The following TBX4 variants were observed in gnomAD, a reference collection of about 807,000 sequenced individuals.
TBX4 encodes T-box transcription factor TBX4.
TBX4 carries 13 observed loss-of-function variants against 54.6 expected under a neutral mutation model. The ratio of observed to expected loss-of-function variants is 0.24; its 90% CI spans 0.15 to 0.38. TBX4 has a LOEUF of 0.38. Among genes scored for constraint, TBX4 ranks in the 10% least tolerant of loss-of-function variants. TBX4 has a pLI of 1.00. For missense variants in TBX4, 631 were observed against 728.5 expected (o/e 0.87, Z 1.54); for synonymous variants, 314 against 306.7 (o/e 1.02, Z -0.25).
At chr17:61,453,061 A>T in intron 1 of TBX4, 6 of 846,760 alleles carry the variant, frequency 7.1e-6, no homozygotes, top group African/African-American at 1.8e-5. Context: ...GGAACATTAT[A>T]TATAAATAAT....
chr17:61,460,324 G>C lies in TBX4; in HGVS notation c.281+2693G>C, dbSNP rs561919336. On this transcript the variant is annotated intron_variant, in intron 3 of 8. Transcript: ENST00000644296. The surrounding 1 kb of genome is among the most constrained non-coding windows in gnomAD (Gnocchi z 4.4). Reference sequence around the variant, plus strand: ...TCTGGCTGGGTAGGAGCAGGCCCTGGAAAAGGGGAGCCAGAATGTTCTCAA... The same window carrying C: ...TCTGGCTGGGTAGGAGCAGGCCCTGCAAAAGGGGAGCCAGAATGTTCTCAA... 6.6e-6 allele frequency: 1 copy of C among 152,360 alleles called. No homozygotes were observed. The highest frequency in any genetic ancestry group is 1.9e-4 in the East Asian group (1 of 5,192). 9.4% of individuals were successfully genotyped at this position (152,360 alleles called of 1,614,324 possible).
chr17:61,458,013 A>C (rs1399505242), intron 3 of TBX4, among the ~76,000 whole-genome samples: 1 of 152,218 alleles, frequency 6.6e-6, no homozygotes, highest in Non-Finnish European at 1.5e-5. Flanking sequence ...GATGCCTCTC[A>C]GCAGATGGGG....
In TBX4 at chr17:61,476,602, C is replaced by G. The variant is rs149176014; in HGVS notation, c.550-2025C>G. On this transcript the variant is annotated intron_variant, in intron 5 of 8. Coordinates refer to ENST00000644296, the MANE Select transcript of TBX4 (RefSeq NM_001321120.2). The surrounding 1 kb of genome is among the most constrained non-coding windows in gnomAD (Gnocchi z 6.5). ...GAAAGGGACAGACATCGAGGCCTCT[C>G]TGAGCGGGACCTGTGTCCTGTAGCC... 6.6e-6 allele frequency among the ~76,000 whole-genome samples: 1 copy of G among 152,248 alleles called. No homozygotes were observed. The highest frequency in any genetic ancestry group is 2.4e-5 in the African/African-American group (1 of 41,462).
chr17:61,458,396 A>C (rs575644848), intron 3 of TBX4, among the ~76,000 whole-genome samples: 8 of 152,092 alleles, frequency 5.3e-5, no homozygotes, highest in African/African-American at 1.9e-4. Context: ...CTGTAGACAG[A>C]GACGCTGGCA....
At chr17:61,455,118 A>G (rs2060437200) in intron 1 of TBX4, among the ~76,000 whole-genome samples, 3 of 152,142 alleles carry the variant, frequency 2.0e-5, no homozygotes, top group Admixed American at 6.5e-5. Context: ...TCCGCCTGTC[A>G]ACCTTATCTT....
chr17:61,477,154 C>T (rs2060626195), intron 5 of TBX4, among the ~76,000 whole-genome samples: 1 of 152,228 alleles, frequency 6.6e-6, no homozygotes, highest in East Asian at 1.9e-4. Context: ...GACCCGAGGG[C>T]CCGCCTGGCC....
In TBX4 at chr17:61,461,726, C is replaced by G. The variant is rs1480561102; in HGVS notation, c.282-4093C>G. Among the ~76,000 whole-genome samples, 1 of 152,150 alleles carries G rather than the reference C, an allele frequency of 6.6e-6. No homozygotes were observed. Among genetic ancestry groups the G allele is most frequent in the Non-Finnish European group, 1.5e-5 (1 of 68,026 alleles). On this transcript the variant is annotated intron_variant, in intron 3 of 8. Transcript: ENST00000644296. The surrounding 1 kb of genome is among the most constrained non-coding windows in gnomAD (Gnocchi z 5.1). ...AGAAATAGATCATCACCACCACCGC[C>G]CCAGAATCCTTCTTGTGTGCCTGCC...
Position 61,482,958 on chromosome 17 carries a change from G to T in TBX4, c.1083G>T (p.Ser361=). The T allele has an allele frequency of 6.2e-7, 1 of 1,613,858 alleles. No homozygotes were observed. Among genetic ancestry groups the T allele is most frequent in the Non-Finnish European group, 8.5e-7 (1 of 1,179,938 alleles). Residue 361 remains serine (S), a synonymous_variant, in exon 9 of 9, where the codon TCG becomes TCT. Transcript: ENST00000644296. ...GATCCTATCTGGAAGCCCCCTCTTCGGTGGGGGAGGATCACTATTTCCGTT... is the reference window on the plus strand; with the variant it reads ...GATCCTATCTGGAAGCCCCCTCTTCTGTGGGGGAGGATCACTATTTCCGTT... ...CKRSYLEAPS[S]VGEDHYFRSP... is the part of the protein sequence containing the mutation.
rs191694838 is a variant in TBX4 at position 61,480,927 on chromosome 17, G to C, written c.1021+608G>C. 6.6e-6 allele frequency among the ~76,000 whole-genome samples: 1 copy of C among 152,346 alleles called. No homozygotes were observed. Among genetic ancestry groups the C allele is most frequent in the Non-Finnish European group, 1.5e-5 (1 of 68,034 alleles). ...CTGGGCACCATCACATCTGTGCTCT[G>C]TGCCAGGTCTTGATTCCTCCATGGA... On this transcript the variant is annotated intron_variant, in intron 8 of 8. Coordinates refer to ENST00000644296, the MANE Select transcript of TBX4 (RefSeq NM_001321120.2). The surrounding 1 kb of genome is among the most constrained non-coding windows in gnomAD (Gnocchi z 6.2).
chr17:61,483,585 TCTA>T lies in TBX4; in HGVS notation c.*71_*73del, dbSNP rs2060682217. On this transcript the variant is annotated 3_prime_UTR_variant, in exon 9 of 9. Coordinates refer to ENST00000644296, the MANE Select transcript of TBX4 (RefSeq NM_001321120.2). The surrounding 1 kb of genome is among the most constrained non-coding windows in gnomAD (Gnocchi z 6.6). ...ATTAACCTCTGTGGGTGGCCTGCACTCTACCAAGAAACACAGGAAGGTATTCCA... is the reference window on the plus strand; with the variant it reads ...ATTAACCTCTGTGGGTGGCCTGCACTCCAAGAAACACAGGAAGGTATTCCA... 1.9e-6 allele frequency: 3 copies of T among 1,593,926 alleles called. No individual in the cohort carries two copies. In the South Asian group the frequency reaches 3.3e-5, roughly 18 times the overall value.
At position 61,478,532 on chromosome 17, in the gene TBX4, T is replaced by A; in HGVS notation, c.550-95T>A. 1 of 1,554,600 alleles carries A rather than the reference T, an allele frequency of 6.4e-7. No homozygotes were observed. The highest frequency in any genetic ancestry group is 8.9e-7 in the Non-Finnish European group (1 of 1,127,892). On this transcript the variant is annotated intron_variant, in intron 5 of 8. Transcript: ENST00000644296. The surrounding 1 kb of genome is among the most constrained non-coding windows in gnomAD (Gnocchi z 7.4). ...CCCGGATCCTGGGCTTTGAGGAGAA[T>A]GAGAAAAACCAGGCCAGGGCCAGAA... is the stretch of plus-strand genomic sequence containing the variant.
Position 61,476,678 on chromosome 17 carries a change from A to C in TBX4, c.550-1949A>C, listed in dbSNP as rs1359401014. Among the ~76,000 whole-genome samples the C allele has an allele frequency of 1.3e-5, 2 of 152,222 alleles. No homozygotes were observed. Among genetic ancestry groups the C allele is most frequent in the Non-Finnish European group, 2.9e-5 (2 of 68,032 alleles). On this transcript the variant is annotated intron_variant, in intron 5 of 8. Transcript: ENST00000644296. The surrounding 1 kb of genome is among the most constrained non-coding windows in gnomAD (Gnocchi z 6.5). ...GCCCCCAGTCGGGCAGCAGGTCCCCAGCTGCAGGACCTGGTTTGGGGTTTG... is the reference window on the plus strand; with the variant it reads ...GCCCCCAGTCGGGCAGCAGGTCCCCCGCTGCAGGACCTGGTTTGGGGTTTG...
chr17:61,455,401 G>T (rs1214136177), intron 1 of TBX4, among the ~76,000 whole-genome samples: 1 of 152,230 alleles, frequency 6.6e-6, no homozygotes, highest in African/African-American at 2.4e-5. Flanking sequence ...GGTCCAGCAG[G>T]ATGGGGAAGA....
At position 61,472,054 on chromosome 17, in the gene TBX4, A is replaced by G. The variant is rs932462678; in HGVS notation, c.549+4397A>G. On this transcript the variant is annotated intron_variant, in intron 5 of 8. Transcript: ENST00000644296. The surrounding 1 kb of genome is among the most constrained non-coding windows in gnomAD (Gnocchi z 4.5). ...CACCGCGCCCGGCCTGCAGCTGCAT[A>G]GAATTTTATCAAAATGATTGTTTCA... Among the ~76,000 whole-genome samples the G allele has an allele frequency of 1.3e-5, 2 of 152,220 alleles. No individual in the cohort carries two copies. The highest frequency in any genetic ancestry group is 2.4e-5 in the African/African-American group (1 of 41,544).
Position 61,465,665 on chromosome 17 carries a change from A to C in TBX4, c.282-154A>C, listed in dbSNP as rs1455757541. 4 of 936,476 alleles carry C rather than the reference A, an allele frequency of 4.3e-6. No homozygotes were observed. Among genetic ancestry groups the C allele is most frequent in the Non-Finnish European group, 5.0e-6 (3 of 594,662 alleles). The allele number at this position is 936,476 out of a possible 1,614,324, so 58.0% of individuals were successfully genotyped here. ...ACTGTGCAGCTCGGGCAGAGGGGGA[A>C]GTGAGTTGTGCAGGTCACACAGCTG... On this transcript the variant is annotated intron_variant, in intron 3 of 8. Coordinates refer to ENST00000644296, the MANE Select transcript of TBX4 (RefSeq NM_001321120.2). The surrounding 1 kb of genome is among the most constrained non-coding windows in gnomAD (Gnocchi z 4.9).
chr17:61,465,720 G>C lies in TBX4; in HGVS notation c.282-99G>C, dbSNP rs548777013. On this transcript the variant is annotated intron_variant, in intron 3 of 8. Transcript: ENST00000644296. The surrounding 1 kb of genome is among the most constrained non-coding windows in gnomAD (Gnocchi z 4.9). The stretch of plus-strand genomic sequence containing the variant: ...CAATGCCAGGATCGCTGGCCAAAAG[G>C]GCAGCATCTGTTAGCGGCCTTCTGC... The C allele has an allele frequency of 1.3e-6, 2 of 1,522,664 alleles. No individual in the cohort carries two copies. The highest frequency in any genetic ancestry group is 3.4e-5 in the Admixed American group (2 of 59,502). 94.3% of individuals were successfully genotyped at this position (1,522,664 alleles called of 1,614,324 possible). A position where few individuals can be genotyped will look rare whatever the true frequency, so the allele number is the denominator to read the frequency against.
chr17:61,456,640 CG>C lies in TBX4; in HGVS notation c.154del (p.Ala52ProfsTer36). On this transcript the variant is annotated frameshift_variant, in exon 2 of 9. Coordinates refer to ENST00000644296, the MANE Select transcript of TBX4 (RefSeq NM_001321120.2). LOFTEE classifies it high-confidence loss of function. ...CCGCGCTAGGCAGCCCCCCGGGACC[CG>C]GGGCCGACGTCGTCGCCGCCGCCGC... is the stretch of plus-strand genomic sequence containing the variant. ...GAALGSPPGP[G>X]ADVVAAAAAE... is the part of the protein sequence containing the mutation. 1.5e-6 allele frequency: 2 copies of C among 1,350,652 alleles called. No homozygotes were observed. Among genetic ancestry groups the C allele is most frequent in the South Asian group, 2.0e-5 (1 of 49,488 alleles). 83.7% of individuals were successfully genotyped at this position (1,350,652 alleles called of 1,614,324 possible).
intron 2 of TBX4, 84 bp downstream of exon 2, chr17:61,456,760 C>A (rs2143793287): frequency 1.8e-6 from 2 of 1,102,688 alleles, no homozygotes; most frequent in Non-Finnish European, 2.3e-6. Context: ...GTCCGATTGT[C>A]GGCAGGACTC....
intron 3 of TBX4, among the ~76,000 whole-genome samples, chr17:61,463,838 G>A (rs2060515659): frequency 6.6e-6 from 1 of 152,196 alleles, no homozygotes; most frequent in South Asian, 2.1e-4. Context: ...TGGCCTGCAG[G>A]GGGCGGGATT....
Sources: gnomAD v4.1 joint callset for allele counts (sites outside exome capture counted in the v4.1 genomes callset) on GRCh38, gnomAD v4.1.1 for gene constraint, Gnocchi (gnomAD v3.1) non-coding constraint, MANE v1.5 for transcripts, NCBI Gene and HGNC (gene_info 2026-07-23, HGNC 2026-07-21) for gene names.